DGKB: variants seen among roughly 807,000 people sequenced by gnomAD.
The protein encoded by DGKB is diacylglycerol kinase beta, also known as 90 kDa diacylglycerol kinase.
Under a neutral mutation model 114.3 loss-of-function variants are expected in DGKB, and 67 were observed. The ratio of observed to expected loss-of-function variants is 0.59; its 90% CI spans 0.48 to 0.72. DGKB has a LOEUF of 0.72. Among genes scored for constraint, DGKB ranks in the 30% least tolerant of loss-of-function variants. DGKB has a pLI of 0.00. For synonymous variants in DGKB, 398 were observed against 323.1 expected (o/e 1.23, Z -2.49); for missense variants, 907 against 975.2 (o/e 0.93, Z 0.93).
chr7:14,682,916 T>A, intron 10 of DGKB, 75 bp from the exon 11 acceptor site: 1 of 994,550 alleles, frequency 1.0e-6, no homozygotes, highest in Non-Finnish European at 1.6e-6. Context: ...AGAATGACAT[T>A]AACAGAACCT....
chr7:14,674,391 T>A (rs1217658940), intron 12 of DGKB, among the ~76,000 whole-genome samples: 3 of 152,114 alleles, frequency 2.0e-5, no homozygotes, highest in Admixed American at 6.6e-5. Context: ...AATTAAAAGG[T>A]ATAGTTTCCT....
intron 23 of DGKB, among the ~76,000 whole-genome samples, chr7:14,236,448 A>G (rs1013512985): frequency 6.6e-6 from 1 of 151,934 alleles, no homozygotes; most frequent in African/African-American, 2.4e-5. Flanking sequence ...TAAAGTTATT[A>G]TAATAACACT....
At chr7:14,346,367 A>G (rs1812474411) in intron 21 of DGKB, among the ~76,000 whole-genome samples, 1 of 151,924 alleles carries the variant, frequency 6.6e-6, no homozygotes, top group Non-Finnish European at 1.5e-5. Flanking sequence ...GCTTATTATT[A>G]TGCAGAGTTC....
At chr7:14,923,672 T>C (rs1016806780) in intron 1 of DGKB, among the ~76,000 whole-genome samples, 3 of 152,224 alleles carry the variant, frequency 2.0e-5, no homozygotes, top group Admixed American at 2.0e-4. Context: ...GGAGCAACCA[T>C]CAAAATCTTT....
At chr7:14,374,541 C>G (rs538802487) in intron 21 of DGKB, among the ~76,000 whole-genome samples, 9 of 152,316 alleles carry the variant, frequency 5.9e-5, no homozygotes, top group African/African-American at 2.2e-4. Context: ...AGCCCCCGCA[C>G]ACATTCTGAT....
At chr7:14,588,072 G>A (rs185566788) in intron 17 of DGKB, among the ~76,000 whole-genome samples, 77 of 152,082 alleles carry the variant, frequency 5.1e-4, no homozygotes, top group Middle Eastern at 6.8e-3. Flanking sequence ...AATGTTTTTC[G>A]CAAAGAAGGT....
intron 23 of DGKB, among the ~76,000 whole-genome samples, chr7:14,321,493 T>A (rs1316774266): frequency 6.6e-6 from 1 of 151,382 alleles, no homozygotes; most frequent in East Asian, 1.9e-4. Context: ...AGAGAAATGG[T>A]GAACTATTGA....
chr7:14,707,106 T>A (rs1000756480), intron 6 of DGKB, among the ~76,000 whole-genome samples: 1 of 138,408 alleles, frequency 7.2e-6, no homozygotes, highest in Admixed American at 7.3e-5. Flanking sequence ...AAGAATCAAA[T>A]AGACGCAATA....
Position 14,685,262 on chromosome 7 carries a change from T to C in DGKB, c.812A>G (p.Gln271Arg). The C allele has an allele frequency of 6.2e-7, 1 of 1,613,558 alleles. No homozygotes were observed. Residue 271 changes from glutamine (Q) to arginine (R), a missense_variant, in exon 10 of 26, where the codon CAG becomes CGG. Coordinates refer to ENST00000402815, the MANE Select transcript of DGKB (RefSeq NM_001350709.2). Reference sequence around the variant, plus strand: ...GTACTCACAGGAACAGCAGAGGCCCTGCTTCCCCACGCCAATCAGCATGTT... The same window carrying C: ...GTACTCACAGGAACAGCAGAGGCCCCGCTTCCCCACGCCAATCAGCATGTT... The part of the protein sequence containing the change: ...CLNMLIGVGK[Q>R]GLCCSFCKYT...
At chr7:14,877,017 G>C (rs897525433) in intron 1 of DGKB, among the ~76,000 whole-genome samples, 8 of 152,172 alleles carry the variant, frequency 5.3e-5, no homozygotes, top group African/African-American at 1.9e-4. Context: ...ACTGTGTTTA[G>C]TGCTACGAAG....
At chr7:14,750,437 C>T (rs1490522935) in intron 4 of DGKB, among the ~76,000 whole-genome samples, 3 of 152,086 alleles carry the variant, frequency 2.0e-5, no homozygotes, top group African/African-American at 7.2e-5. Context: ...TTGTAACCTT[C>T]GATGTTCAAA....
chr7:14,800,167 C>T (rs946228992), intron 2 of DGKB, among the ~76,000 whole-genome samples: 6 of 152,150 alleles, frequency 3.9e-5, no homozygotes, highest in African/African-American at 7.2e-5. Flanking sequence ...CCGCCCACCT[C>T]GGCCTCCCGA....
At chr7:14,327,985 A>G (rs997576250) in intron 23 of DGKB, among the ~76,000 whole-genome samples, 4 of 152,140 alleles carry the variant, frequency 2.6e-5, no homozygotes, top group African/African-American at 7.2e-5. Flanking sequence ...CCTATTTTAT[A>G]TGGAAGTCAC....
intron 21 of DGKB, among the ~76,000 whole-genome samples, chr7:14,394,178 G>A (rs564168860): frequency 1.3e-5 from 2 of 152,180 alleles, no homozygotes; most frequent in African/African-American, 4.8e-5. Context: ...CCAAATTTAA[G>A]TGACTAAAGA....
chr7:14,498,706 G>T (rs933881629), intron 20 of DGKB, among the ~76,000 whole-genome samples: 1 of 151,580 alleles, frequency 6.6e-6, no homozygotes, highest in African/African-American at 2.4e-5. Flanking sequence ...CTTTTTGTTA[G>T]GAAGGAAAAG....
intron 21 of DGKB, among the ~76,000 whole-genome samples, chr7:14,456,951 C>A (rs1832374356): frequency 6.6e-6 from 1 of 152,020 alleles, no homozygotes. Flanking sequence ...TAGGACCCCT[C>A]TCATACTATT....
rs963685023 is a variant in DGKB at position 14,486,365 on chromosome 7, C to T, written c.1771-8140G>A. 7.9e-5 allele frequency among the ~76,000 whole-genome samples: 12 copies of T among 152,270 alleles called. No homozygotes were observed. The East Asian group carries it at 1.9e-3, about 25-fold the overall frequency. On this transcript the variant is annotated intron_variant, in intron 20 of 25. Transcript: ENST00000402815. Reference sequence around the variant, plus strand: ...TGACTACCAAAAAGTCTGTGGGAAACCACATAGGATCATGCAGAATACTGG... The same window carrying T: ...TGACTACCAAAAAGTCTGTGGGAAATCACATAGGATCATGCAGAATACTGG...
intron 1 of DGKB, among the ~76,000 whole-genome samples, chr7:14,950,695 A>T (rs1786147516): frequency 6.6e-6 from 1 of 152,012 alleles, no homozygotes; most frequent in Non-Finnish European, 1.5e-5. Flanking sequence ...ATAAATATTA[A>T]TCCTTTCCAA....
chr7:14,401,179 A>G (rs1823039774), intron 21 of DGKB, among the ~76,000 whole-genome samples: 1 of 151,946 alleles, frequency 6.6e-6, no homozygotes, highest in Admixed American at 6.6e-5. Context: ...ATTTTCAATC[A>G]TAATCCAAAA....
Sources: allele counts gnomAD v4.1 joint callset (sites outside exome capture counted in the v4.1 genomes callset), GRCh38; gene constraint gnomAD v4.1.1; transcripts MANE v1.5; gene names NCBI Gene and HGNC (gene_info 2026-07-23, HGNC 2026-07-21).